PCLO: variants seen among roughly 807,000 people sequenced by gnomAD.
PCLO encodes protein piccolo.
PCLO carries 82 observed loss-of-function variants against 427.5 expected under a neutral mutation model. The observed-to-expected ratio is 0.19, with a 90% CI of 0.16 to 0.23. PCLO has a LOEUF of 0.23. Among genes scored for constraint, PCLO ranks in the 10% least tolerant of loss-of-function variants. PCLO has a pLI of 1.00. For missense variants in PCLO, 6,239 were observed against 6,115.9 expected (o/e 1.02, Z -0.67); for synonymous variants, 2,357 against 2,155.4 (o/e 1.09, Z -2.59).
intron 3 of PCLO, among the ~76,000 whole-genome samples, chr7:83,073,698 T>C (rs934369211): frequency 1.3e-5 from 2 of 151,982 alleles, no homozygotes; most frequent in South Asian, 2.1e-4. Flanking sequence ...CTACAGATGC[T>C]GTGATATTAT....
At chr7:82,931,577 T>G (rs1364537693) in intron 6 of PCLO, among the ~76,000 whole-genome samples, 1 of 152,100 alleles carries the variant, frequency 6.6e-6, no homozygotes, top group Non-Finnish European at 1.5e-5. Context: ...TTGGCAGGAT[T>G]TGGACACGGG....
At chr7:83,116,284 T>C (rs578230277) in intron 3 of PCLO, among the ~76,000 whole-genome samples, 17 of 152,206 alleles carry the variant, frequency 1.1e-4, no homozygotes, top group Non-Finnish European at 2.4e-4. Context: ...TATTTAAAAA[T>C]CATACTAACA....
chr7:83,133,223 T>C (rs1199126205), intron 3 of PCLO, among the ~76,000 whole-genome samples: 3 of 152,042 alleles, frequency 2.0e-5, no homozygotes, highest in African/African-American at 4.8e-5. Context: ...GCTTATTTTA[T>C]ATAAATGCTA....
chr7:82,801,658 T>A, intron 21 of PCLO, 67 bp from the exon 22 acceptor site: 1 of 943,368 alleles, frequency 1.1e-6, no homozygotes, highest in Non-Finnish European at 1.7e-6. Flanking sequence ...AGGCTAAATT[T>A]GCATAAATAA....
rs751968908 is a variant in PCLO at position 82,824,399 on chromosome 7, A to G, written c.14433T>C (p.Ser4811=). ...DFLGEVLIDL[S]STSHLDNTPR... ...GAGTGTTATCGAGGTGAGATGTGCT[A>G]GATAAATCAATCAATACCTGAAAAA... Residue 4811 remains serine (S), a synonymous_variant, in exon 19 of 25, where the codon TCT becomes TCC. Transcript: ENST00000333891. The G allele has an allele frequency of 1.9e-5, 30 of 1,597,482 alleles. No individual in the cohort carries two copies. Among genetic ancestry groups the G allele is most frequent in the Non-Finnish European group, 2.4e-5 (28 of 1,170,894 alleles).
intron 10 of PCLO, among the ~76,000 whole-genome samples, chr7:82,851,444 C>T (rs749017216): frequency 2.2e-4 from 34 of 151,446 alleles, no homozygotes; most frequent in South Asian, 1.0e-3. Flanking sequence ...AAATAACACG[C>T]GCACAAAATA....
chr7:83,073,373 G>C (rs988333880), intron 3 of PCLO, among the ~76,000 whole-genome samples: 3 of 151,964 alleles, frequency 2.0e-5, no homozygotes, highest in African/African-American at 7.2e-5. Context: ...TACATTCAAT[G>C]TACCAAATAC....
intron 16 of PCLO, 39 bp downstream of exon 16, chr7:82,835,626 CAT>C (rs2115742487): frequency 6.4e-7 from 1 of 1,558,342 alleles, no homozygotes. Context: ...TAATTCAAGA[CAT>C]AGCAGCAGAG....
chr7:82,820,769 T>C (rs1791772218), intron 20 of PCLO: 1 of 1,231,358 alleles, frequency 8.1e-7, no homozygotes, highest in Non-Finnish European at 1.0e-6. Context: ...CTGTGAGCAA[T>C]TTAAACTTTT....
chr7:82,898,055 G>A (rs1459004011), intron 9 of PCLO, among the ~76,000 whole-genome samples: 1 of 151,488 alleles, frequency 6.6e-6, no homozygotes, highest in South Asian at 2.1e-4. Flanking sequence ...TATTTGATAA[G>A]CAAAATTCAT....
chr7:83,092,595 G>A (rs1790405287), intron 3 of PCLO, among the ~76,000 whole-genome samples: 1 of 152,114 alleles, frequency 6.6e-6, no homozygotes, highest in Non-Finnish European at 1.5e-5. Flanking sequence ...CCAGTCAAGT[G>A]TGGAAGAGTA....
At position 82,966,324 on chromosome 7, in the gene PCLO, T is replaced by A. The variant is rs1795772622; in HGVS notation, c.3464A>T (p.Lys1155Ile). 1 of 1,613,746 alleles carries A rather than the reference T, an allele frequency of 6.2e-7. No homozygotes were observed. Among genetic ancestry groups the A allele is most frequent in the Admixed American group, 1.7e-5 (1 of 59,976 alleles). ...TTCTTGTTCTTGCTTTTTCACTAAT[T>A]TTACTTGGGGAGGCACTGCTGTTTT... is the stretch of plus-strand genomic sequence containing the variant. The part of the protein sequence containing the change: ...SQKTAVPPQV[K>I]LVKKQEQEVK... The change falls in exon 4 of 25, where the codon AAA becomes ATA. Residue 1155 changes from lysine to isoleucine, a missense_variant. This residue lies in a region of PCLO where 4,677 missense variants were observed against 4,468.4 expected (regional missense o/e 1.05). Transcript: ENST00000333891.
intron 6 of PCLO, among the ~76,000 whole-genome samples, chr7:82,945,640 C>G (rs547440930): frequency 6.4e-4 from 97 of 152,142 alleles, no homozygotes; most frequent in Non-Finnish European, 1.2e-3. Context: ...CGCTAGCAAA[C>G]TGATACAATG....
chr7:82,909,676 T>C (rs1202357223), intron 7 of PCLO, among the ~76,000 whole-genome samples: 1 of 152,152 alleles, frequency 6.6e-6, no homozygotes, highest in African/African-American at 2.4e-5. Flanking sequence ...ACATTCACAA[T>C]GAACAAAAAC....
intron 22 of PCLO, among the ~76,000 whole-genome samples, chr7:82,798,940 C>T (rs1291955472): frequency 3.9e-5 from 6 of 152,118 alleles, no homozygotes; most frequent in East Asian, 1.9e-4. Context: ...AGGGTCAGTT[C>T]GCTAAAGGGG....
chr7:82,852,629 T>G (rs1792693804), intron 10 of PCLO, among the ~76,000 whole-genome samples: 1 of 152,128 alleles, frequency 6.6e-6, no homozygotes, highest in South Asian at 2.1e-4. Flanking sequence ...CACTACTGGT[T>G]TCCTTGCTCC....
intron 21 of PCLO, among the ~76,000 whole-genome samples, chr7:82,803,502 T>C (rs1791401169): frequency 6.6e-6 from 1 of 152,124 alleles, no homozygotes; most frequent in Admixed American, 6.5e-5. Context: ...GATTTTAACA[T>C]AGGTACTTAG....
At chr7:83,002,963 T>C (rs1401788627) in intron 3 of PCLO, among the ~76,000 whole-genome samples, 3 of 151,722 alleles carry the variant, frequency 2.0e-5, no homozygotes, top group Non-Finnish European at 2.9e-5. Context: ...GCAAATGTTT[T>C]TTCATTTGAT....
At position 83,107,714 on chromosome 7, in the gene PCLO, T is replaced by TAAAAAGAAAGAACTGGCCGG. The variant is rs1554398479; in HGVS notation, c.3300+26535_3300+26536insCCGGCCAGTTCTTTCTTTTT. 3.7e-4 allele frequency among the ~76,000 whole-genome samples: 14 copies of TAAAAAGAAAGAACTGGCCGG among 38,026 alleles called. No homozygotes were observed. In the East Asian group the frequency reaches 0.025, roughly 67 times the overall value. 24.9% of individuals were successfully genotyped at this position (38,026 alleles called of 152,430 possible). A position where few individuals can be genotyped will look rare whatever the true frequency, so the allele number is the denominator to read the frequency against. Reference sequence around the variant, plus strand: ...ATAGAGAGAATATAAGAAGAGAATATGTGCGGTGGCTCACGCCTATAATCC... The same window carrying TAAAAAGAAAGAACTGGCCGG: ...ATAGAGAGAATATAAGAAGAGAATATAAAAAGAAAGAACTGGCCGGGTGCGGTGGCTCACGCCTATAATCC... On this transcript the variant is annotated intron_variant, in intron 3 of 24. Coordinates refer to ENST00000333891, the MANE Select transcript of PCLO (RefSeq NM_033026.6).
Sources: allele counts gnomAD v4.1 joint callset (sites outside exome capture counted in the v4.1 genomes callset), GRCh38; gene constraint gnomAD v4.1.1; regional missense constraint gnomAD v4.1.1; transcripts MANE v1.5; gene names NCBI Gene and HGNC (gene_info 2026-07-23, HGNC 2026-07-21).